EPAS1: variants seen among roughly 807,000 people sequenced by gnomAD.
EPAS1 encodes the protein endothelial PAS domain protein 1, also known as endothelial PAS domain-containing protein 1.
Under a neutral mutation model 87.9 loss-of-function variants are expected in EPAS1, and 23 were observed. That is an observed-to-expected ratio of 0.26 (90% CI 0.19 to 0.37). The LOEUF is 0.37. Among genes scored for constraint, EPAS1 ranks in the 10% least tolerant of loss-of-function variants. EPAS1 has a pLI of 1.00. For missense variants in EPAS1, 1,138 were observed against 1,120.7 expected (o/e 1.02, Z -0.22); for synonymous variants, 508 against 444.3 (o/e 1.14, Z -1.80).
chr2:46,346,743 G>A lies in EPAS1; in HGVS notation c.27-130G>A, dbSNP rs1460765468. 3.3e-6 allele frequency: 3 copies of A among 921,224 alleles called. No individual in the cohort carries two copies. The highest frequency in any genetic ancestry group is 5.1e-6 in the Non-Finnish European group (3 of 583,866). The allele number at this position is 921,224 out of a possible 1,614,324, so 57.1% of individuals were successfully genotyped here. ...AGGTTGTGTGTGGCTCAGACAACTG[G>A]TGTGAGCCCAGATCAGTCTAGTAAG... On this transcript the variant is annotated intron_variant, in intron 1 of 15. Transcript: ENST00000263734. The surrounding 1 kb of genome is among the most constrained non-coding windows in gnomAD (Gnocchi z 4.0).
chr2:46,309,646 G>A (rs1683173400), intron 1 of EPAS1, among the ~76,000 whole-genome samples: 1 of 152,170 alleles, frequency 6.6e-6, no homozygotes, highest in South Asian at 2.1e-4. Context: ...CATTCCATTT[G>A]AGGTGAATTG....
intron 6 of EPAS1, among the ~76,000 whole-genome samples, chr2:46,363,965 T>C (rs1411425451): frequency 1.3e-5 from 2 of 152,234 alleles, no homozygotes; most frequent in African/African-American, 4.8e-5. Flanking sequence ...GAAGTGACTA[T>C]TTTAAGTCCT....
At chr2:46,336,146 T>G (rs933255025) in intron 1 of EPAS1, among the ~76,000 whole-genome samples, 3 of 152,148 alleles carry the variant, frequency 2.0e-5, no homozygotes, top group East Asian at 3.9e-4. Context: ...TGGGATCACT[T>G]TTTCTTTCCT....
chr2:46,345,983 G>A (rs1458110606), intron 1 of EPAS1, among the ~76,000 whole-genome samples: 2 of 152,196 alleles, frequency 1.3e-5, no homozygotes, highest in African/African-American at 4.8e-5. Flanking sequence ...GGAGACTGAG[G>A]CTAAGCAGTT....
intron 9 of EPAS1, 133 bp from the exon 10 acceptor site, chr2:46,377,761 T>G: frequency 7.0e-7 from 1 of 1,436,052 alleles, no homozygotes; most frequent in Non-Finnish European, 9.6e-7. Flanking sequence ...AGCCCCAGGG[T>G]GTTGGGGGGG....
In EPAS1 at chr2:46,347,229, C is replaced by G. The variant is rs1329047192; in HGVS notation, c.217+166C>G. On this transcript the variant is annotated intron_variant, in intron 2 of 15. Coordinates refer to ENST00000263734, the MANE Select transcript of EPAS1 (RefSeq NM_001430.5). This position sits in a 1 kb window ranked among gnomAD's most constrained non-coding sequence, Gnocchi z 4.2. ...ATTTATTCCTTCATGTTAAACATCT[C>G]TCTTCCAGCAGTGACCTTTACCGTG... The G allele has an allele frequency of 2.6e-6, 2 of 770,182 alleles. No individual in the cohort carries two copies. Among genetic ancestry groups the G allele is most frequent in the Admixed American group, 2.1e-5 (1 of 48,452 alleles). The allele number at this position is 770,182 out of a possible 1,614,324, so 47.7% of individuals were successfully genotyped here.
intron 9 of EPAS1, 118 bp from the exon 10 acceptor site, chr2:46,377,776 G>A: frequency 8.5e-6 from 13 of 1,532,590 alleles, no homozygotes; most frequent in Non-Finnish European, 1.1e-5. Flanking sequence ...GGGGGGCCTA[G>A]CCCCAGGCAT....
In EPAS1 at chr2:46,382,046, C is replaced by T. The variant is rs1023245835; in HGVS notation, c.2244C>T (p.Cys748=). ...KRMKNLRGGS[C]PLMPDKPLSA... ...TGAAGAACCTCAGGGGTGGGAGCTG[C>T]CCTTTGATGCCGGACAAGCCACTGA... The change falls in exon 14 of 16, where the codon TGC becomes TGT. Residue 748 remains cysteine (C), a synonymous_variant. Coordinates refer to ENST00000263734, the MANE Select transcript of EPAS1 (RefSeq NM_001430.5). The T allele has an allele frequency of 1.9e-6, 3 of 1,613,834 alleles. No homozygotes were observed. The highest frequency in any genetic ancestry group is 1.6e-4 in the Middle Eastern group (1 of 6,084).
intron 1 of EPAS1, among the ~76,000 whole-genome samples, chr2:46,309,215 G>A (rs763235074): frequency 8.5e-5 from 13 of 152,198 alleles, no homozygotes; most frequent in South Asian, 2.1e-4. Context: ...TCCACCATGC[G>A]TAGAGCAGGG....
At position 46,360,006 on chromosome 2, in the gene EPAS1, G is replaced by T. The variant is rs1572637861; in HGVS notation, c.455-632G>T. Among the ~76,000 whole-genome samples, 1 of 152,184 alleles carries T rather than the reference G, an allele frequency of 6.6e-6. No individual in the cohort carries two copies. Among genetic ancestry groups the T allele is most frequent in the Non-Finnish European group, 1.5e-5 (1 of 68,036 alleles). Reference sequence around the variant, plus strand: ...TTGAGTTAATCCATAAAGTGGACTTGCTCACCAAGTCCACTGTAAGGAGAT... The same window carrying T: ...TTGAGTTAATCCATAAAGTGGACTTTCTCACCAAGTCCACTGTAAGGAGAT... On this transcript the variant is annotated intron_variant, in intron 4 of 15. Transcript: ENST00000263734. This position sits in a 1 kb window ranked among gnomAD's most constrained non-coding sequence, Gnocchi z 4.5.
At chr2:46,307,505 G>A (rs2104839036) in intron 1 of EPAS1, among the ~76,000 whole-genome samples, 1 of 152,226 alleles carries the variant, frequency 6.6e-6, no homozygotes, top group Admixed American at 6.5e-5. Flanking sequence ...ATTATTGGTG[G>A]GTGGGGCATG....
chr2:46,376,593 C>G lies in EPAS1; in HGVS notation c.1089C>G (p.Phe363Leu). ...CCATGGACCAGACTGAATCCCTGTTCAAGCCCCACCTGATGGCCATGAACA... is the reference window on the plus strand; with the variant it reads ...CCATGGACCAGACTGAATCCCTGTTGAAGCCCCACCTGATGGCCATGAACA... ...VFSMDQTESL[F>L]KPHLMAMNSI... The change falls in exon 9 of 16, where the codon TTC becomes TTG. Residue 363 changes from phenylalanine to leucine, a missense_variant. Transcript: ENST00000263734. 6.2e-7 allele frequency: 1 copy of G among 1,614,146 alleles called. No individual in the cohort carries two copies. Among genetic ancestry groups the G allele is most frequent in the Non-Finnish European group, 8.5e-7 (1 of 1,180,026 alleles).
In EPAS1 at chr2:46,385,450, C is replaced by T. The variant is rs149064869; in HGVS notation, c.*790C>T. ...TTTGTAATATCTAAAAACTTAGAAA[C>T]GGAAATGGAATCCTGCTCACAAAAT... On this transcript the variant is annotated 3_prime_UTR_variant, in exon 16 of 16. Transcript: ENST00000263734. 2.6e-4 allele frequency: 39 copies of T among 152,256 alleles called. No individual in the cohort carries two copies. In the East Asian group the frequency reaches 4.2e-3, roughly 17 times the overall value. The allele number at this position is 152,256 out of a possible 1,614,324, so 9.4% of individuals were successfully genotyped here.
intron 1 of EPAS1, among the ~76,000 whole-genome samples, chr2:46,313,432 CA>C: frequency 7.3e-6 from 1 of 137,084 alleles, no homozygotes; most frequent in East Asian, 2.1e-4. Flanking sequence ...GTACTTCCCA[CA>C]TGTTGTTATT....
At chr2:46,376,781 C>T in intron 9 of EPAS1, 28 bp downstream of exon 9, 1 of 1,610,250 alleles carries the variant, frequency 6.2e-7, no homozygotes, top group Non-Finnish European at 8.5e-7. Context: ...AAGCCAGGCC[C>T]CTGGAACCCC....
intron 8 of EPAS1, among the ~76,000 whole-genome samples, 171 bp from the exon 9 acceptor site, chr2:46,376,368 A>G (rs1295628264): frequency 3.9e-5 from 6 of 152,076 alleles, no homozygotes; most frequent in Non-Finnish European, 2.9e-5. Context: ...TGTTGTCACT[A>G]CCTCCATGGC....
At chr2:46,313,438 G>T (rs1683251661) in intron 1 of EPAS1, among the ~76,000 whole-genome samples, 3 of 148,774 alleles carry the variant, frequency 2.0e-5, no homozygotes, top group Admixed American at 6.7e-5. Context: ...CCCACATGTT[G>T]TTATTTATTT....
At position 46,360,556 on chromosome 2, in the gene EPAS1, A is replaced by T. The variant is rs1684364819; in HGVS notation, c.455-82A>T. 1 of 1,245,464 alleles carries T rather than the reference A, an allele frequency of 8.0e-7. No individual in the cohort carries two copies. The highest frequency in any genetic ancestry group is 1.5e-5 in the African/African-American group (1 of 67,660). 77.2% of individuals were successfully genotyped at this position (1,245,464 alleles called of 1,614,324 possible). ...GGAAAATATAAACAATAGGCTGCCA[A>T]GAAAAACTGCAGCTGGGCCCCTCTC... On this transcript the variant is annotated intron_variant, in intron 4 of 15. Coordinates refer to ENST00000263734, the MANE Select transcript of EPAS1 (RefSeq NM_001430.5). This position sits in a 1 kb window ranked among gnomAD's most constrained non-coding sequence, Gnocchi z 4.5.
At chr2:46,364,241 CTG>C (rs1392567000) in intron 6 of EPAS1, among the ~76,000 whole-genome samples, 3 of 152,204 alleles carry the variant, frequency 2.0e-5, no homozygotes, top group Non-Finnish European at 4.4e-5. Flanking sequence ...ACACAAGGTG[CTG>C]TGATTCCCAC....
Sources: allele counts gnomAD v4.1 joint callset (sites outside exome capture counted in the v4.1 genomes callset), GRCh38; gene constraint gnomAD v4.1.1; non-coding constraint Gnocchi (gnomAD v3.1); transcripts MANE v1.5; gene names NCBI Gene and HGNC (gene_info 2026-07-23, HGNC 2026-07-21).